DOCK9: variants seen among roughly 807,000 people sequenced by gnomAD.
DOCK9 encodes dedicator of cytokinesis protein 9.
A neutral mutation model predicts 263.3 loss-of-function variants in DOCK9; 89 were observed. That is an observed-to-expected ratio of 0.34 (90% CI 0.28 to 0.40). The LOEUF is 0.40. Ranked by LOEUF, DOCK9 falls within the 10% of genes least tolerant of loss-of-function variation. DOCK9 has a pLI of 1.00. For missense variants in DOCK9, 2,140 were observed against 2,603.4 expected, an observed-to-expected ratio of 0.82 and a Z score of 3.87; for synonymous variants, 976 against 973.1, an observed-to-expected ratio of 1.00 and a Z score of -0.06.
At chr13:99,085,299 G>A (rs569004077) in intron 1 of DOCK9, among the ~76,000 whole-genome samples, 1 of 152,238 alleles carries the variant, frequency 6.6e-6, no homozygotes, top group South Asian at 2.1e-4. Flanking sequence ...CCACAAACAA[G>A]CCCGTTTCAA....
At position 98,879,973 on chromosome 13, in the gene DOCK9, A is replaced by C. The variant is rs774688907; in HGVS notation, c.2872-4T>G. 7 of 1,598,632 alleles carry C rather than the reference A, an allele frequency of 4.4e-6. No individual in the cohort carries two copies. The highest frequency in any genetic ancestry group is 1.8e-5 in the Admixed American group (1 of 55,926). On this transcript the variant is annotated splice_polypyrimidine_tract_variant and splice_region_variant and intron_variant, in intron 26 of 52. Coordinates refer to ENST00000682017, the MANE Select transcript of DOCK9 (RefSeq NM_001366683.2). ...CATCAAAGAAAAACCATGAGTACTA[A>C]AAGAAAAAAGAACAGGACCCAGTAA...
At chr13:98,862,608 G>A (rs1258537290) in intron 32 of DOCK9, among the ~76,000 whole-genome samples, 1 of 151,904 alleles carries the variant, frequency 6.6e-6, no homozygotes, top group African/African-American at 2.4e-5. Context: ...AGAATTGCTT[G>A]AACCTGGGAG....
intron 15 of DOCK9, among the ~76,000 whole-genome samples, chr13:98,889,264 GAA>G (rs1435121934): frequency 6.6e-6 from 1 of 152,056 alleles, no homozygotes; most frequent in Non-Finnish European, 1.5e-5. Flanking sequence ...TGGGGTGAGG[GAA>G]AAAAGACTAC....
At chr13:98,989,400 T>A (rs1444089723) in intron 1 of DOCK9, among the ~76,000 whole-genome samples, 9 of 151,430 alleles carry the variant, frequency 5.9e-5, no homozygotes, top group South Asian at 4.2e-4. Flanking sequence ...TTCCAGGACC[T>A]CACCCAGAAC....
intron 45 of DOCK9, among the ~76,000 whole-genome samples, chr13:98,822,049 C>T (rs73555160): frequency 1.3e-5 from 2 of 152,304 alleles, no homozygotes; most frequent in African/African-American, 4.8e-5. Flanking sequence ...ACATGTTAGT[C>T]TTTCTGCTTC....
chr13:98,991,871 C>G (rs1307910950), intron 1 of DOCK9, among the ~76,000 whole-genome samples: 1 of 151,970 alleles, frequency 6.6e-6, no homozygotes, highest in Non-Finnish European at 1.5e-5. Context: ...TCGCAGAGAC[C>G]AGGCACAGTC....
At chr13:98,970,936 G>A (rs2059672534) in intron 1 of DOCK9, among the ~76,000 whole-genome samples, 1 of 151,944 alleles carries the variant, frequency 6.6e-6, no homozygotes, top group Non-Finnish European at 1.5e-5. Flanking sequence ...TCTTACACTG[G>A]GTGGAATTCC....
chr13:98,911,139 T>C (rs941541437), intron 9 of DOCK9, among the ~76,000 whole-genome samples: 1 of 152,180 alleles, frequency 6.6e-6, no homozygotes, highest in South Asian at 2.1e-4. Flanking sequence ...ATGTGCTGAG[T>C]GAATAACTCA....
At chr13:99,038,288 C>CCGCTTTTTTTTTTTTTTTT (rs1888110933) in intron 1 of DOCK9, among the ~76,000 whole-genome samples, 4 of 86,264 alleles carry the variant, frequency 4.6e-5, no homozygotes, top group African/African-American at 4.6e-5. Context: ...TTATGCCCCC[C>CCGCTTTTTTTTTTTTTTTT]TTTTTTTTTT....
In DOCK9 at chr13:98,977,850, C is replaced by G; in HGVS notation, c.60G>C (p.Glu20Asp). 6.2e-7 allele frequency: 1 copy of G among 1,607,396 alleles called. No individual in the cohort carries two copies. The highest frequency in any genetic ancestry group is 8.5e-7 in the Non-Finnish European group (1 of 1,176,630). Residue 20 changes from glutamate (E) to aspartate (D), a missense_variant, in exon 1 of 53, where the codon GAG becomes GAC. By Grantham distance (45) the Glu-to-Asp change is conservative. Transcript: ENST00000682017. ...CTGCATCCTTGTATTGCAGGGGGGA[C>G]TCAATCACCAGTTCCTTTTTGACAC... The part of the protein sequence containing the change: ...SRSVKKELVI[E>D]SPLQYKDAAQ...
intron 7 of DOCK9, among the ~76,000 whole-genome samples, chr13:98,919,116 C>CT (rs10640842): frequency 0.62 from 91,600 of 148,148 alleles, 28,989 homozygotes; most frequent in Middle Eastern, 0.76. Flanking sequence ...GGCTGTTTCT[C>CT]TTTTTTTTTT....
At chr13:99,083,552 T>A (rs936128690) in intron 1 of DOCK9, among the ~76,000 whole-genome samples, 1 of 152,164 alleles carries the variant, frequency 6.6e-6, no homozygotes, top group Non-Finnish European at 1.5e-5. Context: ...TGAAGCAGGT[T>A]TGGCAAAATC....
At chr13:99,029,027 A>T (rs191584554) in intron 1 of DOCK9, among the ~76,000 whole-genome samples, 1 of 152,330 alleles carries the variant, frequency 6.6e-6, no homozygotes, top group Non-Finnish European at 1.5e-5. Context: ...AGGCTCTGCC[A>T]CCAGGGGACA....
chr13:98,860,921 T>C (rs2093850118), intron 32 of DOCK9, among the ~76,000 whole-genome samples: 1 of 152,204 alleles, frequency 6.6e-6, no homozygotes, highest in Non-Finnish European at 1.5e-5. Context: ...TTATCTGTAA[T>C]GCGGGGAATT....
chr13:98,981,837 C>T (rs1471980933), upstream of DOCK9, among the ~76,000 whole-genome samples: 2 of 152,162 alleles, frequency 1.3e-5, no homozygotes, highest in Non-Finnish European at 2.9e-5. Context: ...GGATGACATC[C>T]GGTTGGTGTG....
At chr13:99,077,082 G>A (rs917072327) in intron 1 of DOCK9, among the ~76,000 whole-genome samples, 4 of 152,170 alleles carry the variant, frequency 2.6e-5, no homozygotes, top group African/African-American at 7.2e-5. Flanking sequence ...GGAGGGTGGT[G>A]TCTGATAAGG....
chr13:98,808,722 A>G (rs772172259), intron 47 of DOCK9: 1 of 1,300,218 alleles, frequency 7.7e-7, no homozygotes, highest in Non-Finnish European at 1.1e-6. Flanking sequence ...AAGGTTATAT[A>G]ATGCTCATAG....
chr13:98,929,102 T>TA (rs1007660817), intron 3 of DOCK9, among the ~76,000 whole-genome samples: 13 of 151,242 alleles, frequency 8.6e-5, no homozygotes, highest in Non-Finnish European at 1.9e-4. Context: ...AAACCAGGAT[T>TA]AAAAAAAAAT....
At chr13:98,866,679 T>C (rs1258611574) in intron 30 of DOCK9, among the ~76,000 whole-genome samples, 1 of 152,182 alleles carries the variant, frequency 6.6e-6, no homozygotes, top group Non-Finnish European at 1.5e-5. Flanking sequence ...TAATAAAGAC[T>C]CAACATACAA....
Sources: gnomAD v4.1 joint callset for allele counts (sites outside exome capture counted in the v4.1 genomes callset) on GRCh38, gnomAD v4.1.1 for gene constraint, MANE v1.5 for transcripts, NCBI Gene and HGNC (gene_info 2026-07-23, HGNC 2026-07-21) for gene names.